BCL2: variants seen among roughly 807,000 people sequenced by gnomAD.
BCL2 encodes the protein apoptosis regulator Bcl-2.
In BCL2, 1 loss-of-function variant was observed where a neutral mutation model predicts 14.2. The observed-to-expected ratio is 0.07, with a 90% CI of 0.02 to 0.33. The LOEUF (loss-of-function observed/expected upper bound fraction) is 0.33. Among genes scored for constraint, BCL2 ranks in the 10% least tolerant of loss-of-function variants. BCL2 has a pLI of 0.99. For missense variants in BCL2, 247 were observed against 305.9 expected, an observed-to-expected ratio of 0.81 and a Z score of 1.44; for synonymous variants, 151 against 137.2, an observed-to-expected ratio of 1.10 and a Z score of -0.70.
chr18:63,299,445 C>T (rs1912894276), intron 2 of BCL2, among the ~76,000 whole-genome samples: 1 of 152,190 alleles, frequency 6.6e-6, no homozygotes, highest in Non-Finnish European at 1.5e-5. Flanking sequence ...GGCACCTGAC[C>T]CCACCTTCCC....
At chr18:63,293,197 T>G (rs1912703043) in intron 2 of BCL2, among the ~76,000 whole-genome samples, 1 of 152,138 alleles carries the variant, frequency 6.6e-6, no homozygotes, top group South Asian at 2.1e-4. Context: ...CAAGGTTTAG[T>G]AATATGAAAC....
At chr18:63,243,932 A>G (rs1173575933) in intron 2 of BCL2, among the ~76,000 whole-genome samples, 1 of 152,186 alleles carries the variant, frequency 6.6e-6, no homozygotes, top group Non-Finnish European at 1.5e-5. Flanking sequence ...ATATTGGAAG[A>G]GTCACTCTCA....
At chr18:63,254,051 C>T (rs1219357241) in intron 2 of BCL2, among the ~76,000 whole-genome samples, 1 of 151,742 alleles carries the variant, frequency 6.6e-6, no homozygotes, top group Non-Finnish European at 1.5e-5. Context: ...GTTATTCTTT[C>T]TTTGGTCTCT....
intron 2 of BCL2, among the ~76,000 whole-genome samples, chr18:63,198,503 GACACACAGAC>G (rs1909530134): frequency 1.0e-5 from 1 of 96,496 alleles, no homozygotes; most frequent in East Asian, 3.4e-4. Flanking sequence ...GACACACATT[GACACACAGAC>G]ACACATAGAC....
intron 2 of BCL2, among the ~76,000 whole-genome samples, chr18:63,198,968 C>G (rs376131000): frequency 0.042 from 69 of 1,626 alleles, no homozygotes; most frequent in East Asian, 0.048. Flanking sequence ...CAGACACACA[C>G]TGACACACAG....
chr18:63,317,626 G>C, intron 2 of BCL2: 1 of 1,008,674 alleles, frequency 9.9e-7, no homozygotes, highest in Non-Finnish European at 1.2e-6. Flanking sequence ...CAATTTTAGT[G>C]TACAACGGGC....
At chr18:63,235,625 A>G (rs1440867476) in intron 2 of BCL2, among the ~76,000 whole-genome samples, 1 of 151,748 alleles carries the variant, frequency 6.6e-6, no homozygotes, top group East Asian at 1.9e-4. Context: ...TGAGCATCAC[A>G]TTTAAACTGA....
rs1913893065 is a variant in BCL2 at position 63,125,651 on chromosome 18, C to T, written c.*2974G>A. On this transcript the variant is annotated 3_prime_UTR_variant, in exon 3 of 3. Coordinates refer to ENST00000333681, the MANE Select transcript of BCL2 (RefSeq NM_000633.3). ...AAAATAGGGATGGTTCTCTGTTGCCCAACTGCAAAATAATTAGATATAATG... is the reference window on the plus strand; with the variant it reads ...AAAATAGGGATGGTTCTCTGTTGCCTAACTGCAAAATAATTAGATATAATG... The T allele has an allele frequency of 4.7e-6, 1 of 211,060 alleles. No homozygotes were observed. Among genetic ancestry groups the T allele is most frequent in the Non-Finnish European group, 9.6e-6 (1 of 104,322 alleles). 13.1% of individuals were successfully genotyped at this position (211,060 alleles called of 1,614,324 possible). A position where few individuals can be genotyped will look rare whatever the true frequency, so the allele number is the denominator to read the frequency against.
In BCL2 at chr18:63,127,782, A is replaced by C. The variant is rs1913949529; in HGVS notation, c.*843T>G. 1 of 225,924 alleles carries C rather than the reference A, an allele frequency of 4.4e-6. No homozygotes were observed. Among genetic ancestry groups the C allele is most frequent in the Non-Finnish European group, 8.8e-6 (1 of 113,326 alleles). 14.0% of individuals were successfully genotyped at this position (225,924 alleles called of 1,614,324 possible). ...AGGATTCTGTTTCTTACTCAGACAGAGCCAGTATTGGGAGTTGGGGGGTGC... is the reference window on the plus strand; with the variant it reads ...AGGATTCTGTTTCTTACTCAGACAGCGCCAGTATTGGGAGTTGGGGGGTGC... On this transcript the variant is annotated 3_prime_UTR_variant, in exon 3 of 3. Transcript: ENST00000333681.
At chr18:63,145,076 T>C (rs1257414002) in intron 2 of BCL2, among the ~76,000 whole-genome samples, 1 of 152,298 alleles carries the variant, frequency 6.6e-6, no homozygotes, top group African/African-American at 2.4e-5. Context: ...AGCCCTCCTA[T>C]TTACAGGGCT....
intron 2 of BCL2, among the ~76,000 whole-genome samples, chr18:63,158,705 G>A (rs951093368): frequency 6.6e-6 from 1 of 152,144 alleles, no homozygotes; most frequent in African/African-American, 2.4e-5. Flanking sequence ...GGCCATTACT[G>A]GAACTTATCA....
rs143381574 is a variant in BCL2 at position 63,293,671 on chromosome 18, G to A, written c.585+24411C>T. Among the ~76,000 whole-genome samples the A allele has an allele frequency of 5.3e-5, 8 of 152,278 alleles. No homozygotes were observed. The East Asian group carries it at 1.5e-3, about 29-fold the overall frequency. On this transcript the variant is annotated intron_variant, in intron 2 of 2. Coordinates refer to ENST00000333681, the MANE Select transcript of BCL2 (RefSeq NM_000633.3). ...CATATGGTGCTTGTTCTGGGGCTGG[G>A]GGGAGACAAGTACATATAGAAATAT...
chr18:63,235,760 C>T (rs1411822647), intron 2 of BCL2, among the ~76,000 whole-genome samples: 1 of 151,766 alleles, frequency 6.6e-6, no homozygotes, highest in African/African-American at 2.4e-5. Context: ...ATCTTATTCT[C>T]TGCATTTTCT....
At chr18:63,179,536 G>A (rs558114084) in intron 2 of BCL2, among the ~76,000 whole-genome samples, 35 of 150,940 alleles carry the variant, frequency 2.3e-4, no homozygotes, top group Non-Finnish European at 4.9e-4. Flanking sequence ...GAAAGGTAAC[G>A]ATACCAAAGG....
chr18:63,197,715 T>C (rs1341743321), intron 2 of BCL2, among the ~76,000 whole-genome samples: 1 of 151,758 alleles, frequency 6.6e-6, no homozygotes, highest in African/African-American at 2.4e-5. Context: ...GGAGGAAGCT[T>C]TCATAAGATG....
chr18:63,191,694 G>A (rs1331021424), intron 2 of BCL2, among the ~76,000 whole-genome samples: 1 of 152,196 alleles, frequency 6.6e-6, no homozygotes, highest in Non-Finnish European at 1.5e-5. Context: ...AGCCCTAAAG[G>A]TTTCTGATGT....
At chr18:63,134,815 A>T (rs1193446474) in intron 2 of BCL2, among the ~76,000 whole-genome samples, 1 of 152,204 alleles carries the variant, frequency 6.6e-6, no homozygotes, top group East Asian at 1.9e-4. Context: ...TAAAAAGAAA[A>T]TCAGACCATG....
chr18:63,274,445 C>T (rs1000981475), intron 2 of BCL2, among the ~76,000 whole-genome samples: 9 of 151,666 alleles, frequency 5.9e-5, no homozygotes, highest in Non-Finnish European at 1.0e-4. Context: ...CTACCATGCC[C>T]GGGTAATTTT....
At position 63,123,846 on chromosome 18, in the gene BCL2, TTTTCCAAAAGG is replaced by T. The variant is rs1913840049; in HGVS notation, c.*4768_*4778del. The T allele has an allele frequency of 9.2e-6, 2 of 218,064 alleles. No individual in the cohort carries two copies. The highest frequency in any genetic ancestry group is 4.5e-5 in the African/African-American group (2 of 44,422). The allele number at this position is 218,064 out of a possible 1,614,324, so 13.5% of individuals were successfully genotyped here. On this transcript the variant is annotated 3_prime_UTR_variant, in exon 3 of 3. Coordinates refer to ENST00000333681, the MANE Select transcript of BCL2 (RefSeq NM_000633.3). ...AGCTATCTGGAGGGCCCACGGCAGATTTTCCAAAAGGTTTAGGTGCATGGATTTACTCAGTA... is the reference window on the plus strand; with the variant it reads ...AGCTATCTGGAGGGCCCACGGCAGATTTTAGGTGCATGGATTTACTCAGTA...
Sources: gnomAD v4.1 joint callset for allele counts (sites outside exome capture counted in the v4.1 genomes callset) on GRCh38, gnomAD v4.1.1 for gene constraint, MANE v1.5 for transcripts, NCBI Gene and HGNC (gene_info 2026-07-23, HGNC 2026-07-21) for gene names.